Variants in ZFP69 observed in about 807,000 individuals in gnomAD.
The protein encoded by ZFP69 is zinc finger protein 69 homolog.
Under a neutral mutation model 48.9 loss-of-function variants are expected in ZFP69, and 35 were observed. That is an observed-to-expected ratio of 0.72 (90% CI 0.55 to 0.95). The LOEUF is 0.95. Among genes scored for constraint, ZFP69 ranks in the 40% least tolerant of loss-of-function variants. ZFP69 has a pLI of 0.00. For synonymous variants in ZFP69, 193 were observed against 216.8 expected (o/e 0.89, Z 0.96); for missense variants, 557 against 638.4 (o/e 0.87, Z 1.37).
chr1:40,491,761 G>GTA (rs10630764), intron 5 of ZFP69, among the ~76,000 whole-genome samples: 55,414 of 145,602 alleles, frequency 0.38, 10,782 homozygotes, highest in East Asian at 0.54. Context: ...ATGTGTGTGT[G>GTA]TATGTGTGTG....
intron 5 of ZFP69, among the ~76,000 whole-genome samples, chr1:40,489,972 C>T (rs1406804193): frequency 1.3e-5 from 2 of 149,628 alleles, no homozygotes; most frequent in African/African-American, 5.0e-5. Context: ...GGAGTTCAAG[C>T]GATTCTCCTG....
At chr1:40,488,243 G>C (rs972916763) in intron 3 of ZFP69, among the ~76,000 whole-genome samples, 2 of 152,030 alleles carry the variant, frequency 1.3e-5, no homozygotes, top group Non-Finnish European at 2.9e-5. Flanking sequence ...TCGTCTCTCT[G>C]GTGGTTAAGG....
Position 40,496,069 on chromosome 1 carries a change from TTTGAC to T in ZFP69, c.*15_*19del. The T allele has an allele frequency of 6.5e-7, 1 of 1,546,806 alleles. No individual in the cohort carries two copies. The highest frequency in any genetic ancestry group is 8.7e-7 in the Non-Finnish European group (1 of 1,149,530). On this transcript the variant is annotated 3_prime_UTR_variant, in exon 6 of 6. Transcript: ENST00000372706. ...CCGAAATAAGGTGTAAAAACAGATATTTGACTTGAGAACAAAAGCCAAGTGTAAAT... is the reference window on the plus strand; with the variant it reads ...CCGAAATAAGGTGTAAAAACAGATATTTGAGAACAAAAGCCAAGTGTAAAT...
chr1:40,485,655 T>C (rs764502604), intron 3 of ZFP69, among the ~76,000 whole-genome samples: 10 of 152,226 alleles, frequency 6.6e-5, no homozygotes, highest in Non-Finnish European at 1.0e-4. Flanking sequence ...GCATTTCTTA[T>C]AATGTGGGTG....
Position 40,495,879 on chromosome 1 carries a change from T to G in ZFP69, c.1401T>G (p.Tyr467Ter). 6.2e-7 allele frequency: 1 copy of G among 1,614,200 alleles called. No homozygotes were observed. The highest frequency in any genetic ancestry group is 8.5e-7 in the Non-Finnish European group (1 of 1,180,030). The change falls in exon 6 of 6, where the codon TAT becomes TAG. Residue 467 changes from tyrosine to a stop codon, truncating the protein, a stop_gained. Transcript: ENST00000372706. LOFTEE classifies it high-confidence loss of function. ...CTGTTCATACAGGAGTGAAAGCATA[T>G]GAATGCAACCGCTGTGGAAAAGCCT... Reference protein sequence around the residue: ...HKTVHTGVKAYECNRCGKAYR... With the variant: ...HKTVHTGVKA
rs1438885992 is a variant in ZFP69 at position 40,495,365 on chromosome 1, A to G, written c.887A>G (p.Glu296Gly). Residue 296 changes from glutamate (E) to glycine (G), a missense_variant, in exon 6 of 6, where the codon GAG (glutamate) becomes GGG (glycine). Physicochemically the swap from Glu to Gly is moderately conservative, Grantham distance 98. Transcript: ENST00000372706. ...GAACATATGAGAATTCATACTGGTG[A>G]GAAACCTTTCAGATGTAAGGAATGT... ...LTEHMRIHTG[E>G]KPFRCKECGR... 6.2e-7 allele frequency: 1 copy of G among 1,614,124 alleles called. No individual in the cohort carries two copies. The highest frequency in any genetic ancestry group is 8.5e-7 in the Non-Finnish European group (1 of 1,180,060).
rs1307592500 is a variant in ZFP69 at position 40,490,983 on chromosome 1, C to T, written c.442+1359C>T. ...AAACACAGTTGAAGCTCCACTGTCCCCCTTACACCTTTTGAAATAAGCACT... is the reference window on the plus strand; with the variant it reads ...AAACACAGTTGAAGCTCCACTGTCCTCCTTACACCTTTTGAAATAAGCACT... On this transcript the variant is annotated intron_variant, in intron 5 of 5. Transcript: ENST00000372706. 5 of 152,070 alleles carry T rather than the reference C, an allele frequency of 3.3e-5. No individual in the cohort carries two copies. In the East Asian group the frequency reaches 9.6e-4, roughly 29 times the overall value. The allele number at this position is 152,070 out of a possible 1,614,324, so 9.4% of individuals were successfully genotyped here. A position where few individuals can be genotyped will look rare whatever the true frequency, so the allele number is the denominator to read the frequency against.
intron 2 of ZFP69, among the ~76,000 whole-genome samples, chr1:40,479,840 C>A (rs1645426626): frequency 6.6e-6 from 1 of 152,196 alleles, no homozygotes; most frequent in African/African-American, 2.4e-5. Flanking sequence ...TGCACAGGTT[C>A]CAGTCATTTT....
At position 40,479,457 on chromosome 1, in the gene ZFP69, G is replaced by A; in HGVS notation, c.96G>A (p.Trp32Ter). ...AGGCCGTGGAGGGGGCGCCCCTGTG[G>A]GAGGATGTGACTAAAATGTTTGAAG... The part of the protein sequence containing the change: ...PKKAVEGAPL[W>*]EDVTKMFEGE... Residue 32 changes from tryptophan (W) to a stop codon, truncating the protein, a stop_gained, in exon 2 of 6, where the codon TGG becomes TGA. Transcript: ENST00000372706. LOFTEE classifies it high-confidence loss of function. 1 of 1,613,918 alleles carries A rather than the reference G, an allele frequency of 6.2e-7. No individual in the cohort carries two copies. The highest frequency in any genetic ancestry group is 8.5e-7 in the Non-Finnish European group (1 of 1,179,866).
chr1:40,494,901 C>T lies in ZFP69; in HGVS notation c.443-20C>T. Reference sequence around the variant, plus strand: ...CCACTACAGTAATTGGTTTTTAAAGCTTTTTTTCATTTCTTTCAGACTTGA... The same window carrying T: ...CCACTACAGTAATTGGTTTTTAAAGTTTTTTTTCATTTCTTTCAGACTTGA... On this transcript the variant is annotated intron_variant, in intron 5 of 5. Coordinates refer to ENST00000372706, the MANE Select transcript of ZFP69 (RefSeq NM_001320179.2). 2.5e-6 allele frequency: 4 copies of T among 1,587,634 alleles called. No homozygotes were observed. Among genetic ancestry groups the T allele is most frequent in the Non-Finnish European group, 3.4e-6 (4 of 1,170,284 alleles).
Position 40,485,390 on chromosome 1 carries a change from A to C in ZFP69, c.219+3536A>C, listed in dbSNP as rs141460222. 3.1e-3 allele frequency among the ~76,000 whole-genome samples: 468 copies of C among 152,288 alleles called. 6 individuals carry two copies. The highest frequency in any genetic ancestry group is 0.011 in the African/African-American group (456 of 41,562). Reference sequence around the variant, plus strand: ...ACATATCATATGAAAGACTTACGTTATATTTTCATATACTCCTTCCCACTC... The same window carrying C: ...ACATATCATATGAAAGACTTACGTTCTATTTTCATATACTCCTTCCCACTC... On this transcript the variant is annotated intron_variant, in intron 3 of 5. Coordinates refer to ENST00000372706, the MANE Select transcript of ZFP69 (RefSeq NM_001320179.2).
At position 40,479,994 on chromosome 1, in the gene ZFP69, A is replaced by C. The variant is rs528365937; in HGVS notation, c.127+506A>C. ...TCACACCTTATTTAGTGGTCTGGTT[A>C]GGAGTAAATAGAAGGATGGAGGAAG... On this transcript the variant is annotated intron_variant, in intron 2 of 5. Transcript: ENST00000372706. 2.0e-5 allele frequency among the ~76,000 whole-genome samples: 3 copies of C among 152,308 alleles called. No individual in the cohort carries two copies. The East Asian group carries it at 5.8e-4, about 29-fold the overall frequency.
At chr1:40,489,866 C>CTTTTTTTTTTTTTTT (rs374820239) in intron 5 of ZFP69, among the ~76,000 whole-genome samples, 1 of 115,428 alleles carries the variant, frequency 8.7e-6, no homozygotes, top group African/African-American at 3.4e-5. Flanking sequence ...TTTTCTTTTT[C>CTTTTTTTTTTTTTTT]TTTTTTTTTT....
At chr1:40,487,594 T>C (rs1364605635) in intron 3 of ZFP69, among the ~76,000 whole-genome samples, 2 of 152,202 alleles carry the variant, frequency 1.3e-5, no homozygotes, top group African/African-American at 2.4e-5. Flanking sequence ...AAATAAACTA[T>C]AGTACACCTA....
chr1:40,486,246 T>C (rs889224883), intron 3 of ZFP69, among the ~76,000 whole-genome samples: 2 of 151,746 alleles, frequency 1.3e-5, no homozygotes, highest in African/African-American at 4.8e-5. Context: ...AGTTTATCCT[T>C]TTTGGGGTTT....
In ZFP69 at chr1:40,479,030, C is replaced by G. The variant is rs1645417825; in HGVS notation, c.-326-6C>G. Reference sequence around the variant, plus strand: ...GTATTTTGCAGTTTTAAATATATTTCTGCAGATTCTGGAGTTCTGGAGACA... The same window carrying G: ...GTATTTTGCAGTTTTAAATATATTTGTGCAGATTCTGGAGTTCTGGAGACA... On this transcript the variant is annotated splice_polypyrimidine_tract_variant and splice_region_variant and intron_variant, in intron 1 of 5. Coordinates refer to ENST00000372706, the MANE Select transcript of ZFP69 (RefSeq NM_001320179.2). 1 of 249,486 alleles carries G rather than the reference C, an allele frequency of 4.0e-6. No individual in the cohort carries two copies. The highest frequency in any genetic ancestry group is 7.9e-6 in the Non-Finnish European group (1 of 126,380). 15.5% of individuals were successfully genotyped at this position (249,486 alleles called of 1,614,324 possible). A position where few individuals can be genotyped will look rare whatever the true frequency, so the allele number is the denominator to read the frequency against.
chr1:40,481,543 C>T (rs1469584961), intron 2 of ZFP69, among the ~76,000 whole-genome samples: 1 of 152,038 alleles, frequency 6.6e-6, no homozygotes, highest in Non-Finnish European at 1.5e-5. Context: ...ACTTTGTTCT[C>T]TCATACATAG....
intron 2 of ZFP69, among the ~76,000 whole-genome samples, chr1:40,480,504 A>G (rs1181264382): frequency 1.3e-5 from 2 of 151,826 alleles, no homozygotes; most frequent in Non-Finnish European, 2.9e-5. Context: ...GCCCATATAC[A>G]GAATTAGGAA....
chr1:40,490,000 GC>G (rs746043730), intron 5 of ZFP69, among the ~76,000 whole-genome samples: 9 of 151,520 alleles, frequency 5.9e-5, no homozygotes, highest in Non-Finnish European at 1.0e-4. Flanking sequence ...CTCCCGAGTA[GC>G]TGGGACTACA....
Sources: allele counts gnomAD v4.1 joint callset (sites outside exome capture counted in the v4.1 genomes callset), GRCh38; gene constraint gnomAD v4.1.1; transcripts MANE v1.5; gene names NCBI Gene and HGNC (gene_info 2026-07-23, HGNC 2026-07-21).